MKRN1: variants seen among roughly 807,000 people sequenced by gnomAD.
MKRN1 encodes the protein E3 ubiquitin-protein ligase makorin-1.
Under a neutral mutation model 55.5 loss-of-function variants are expected in MKRN1, and 9 were observed. That is an observed-to-expected ratio of 0.16 (90% CI 0.10 to 0.28). MKRN1 has a LOEUF of 0.28. MKRN1 is among the 10% of genes least tolerant of loss of function. The pLI is 1.00. For synonymous variants in MKRN1, 253 were observed against 235.9 expected (o/e 1.07, Z -0.66); for missense variants, 488 against 626.7 (o/e 0.78, Z 2.36).
chr7:140,468,002 C>CAA (rs566154288), intron 2 of MKRN1, among the ~76,000 whole-genome samples: 1,301 of 88,736 alleles, frequency 0.015, 38 homozygotes, highest in African/African-American at 0.047. Context: ...AATTCTGTCT[C>CAA]AAAAAAAAAA....
chr7:140,467,141 G>C (rs1304505883), intron 2 of MKRN1, among the ~76,000 whole-genome samples: 26 of 151,868 alleles, frequency 1.7e-4, no homozygotes, highest in Non-Finnish European at 5.9e-5. Flanking sequence ...CCATGCTTGG[G>C]TAATTTTGTA....
At chr7:140,478,880 A>C (rs939675232) in intron 1 of MKRN1, 4 of 275,656 alleles carry the variant, frequency 1.5e-5, no homozygotes, top group Non-Finnish European at 1.3e-5. Context: ...GCGCTCAGGG[A>C]AGTGTAAGCG....
chr7:140,454,282 G>C lies in MKRN1; in HGVS notation c.*235C>G. On this transcript the variant is annotated 3_prime_UTR_variant, in exon 8 of 8. Coordinates refer to ENST00000255977, the MANE Select transcript of MKRN1 (RefSeq NM_013446.4). Reference sequence around the variant, plus strand: ...CACTAACTGTCTGACAGTTAAATTCGTGTTACAAAAAACTAACTTTAAGAT... The same window carrying C: ...CACTAACTGTCTGACAGTTAAATTCCTGTTACAAAAAACTAACTTTAAGAT... The C allele has an allele frequency of 1.8e-6, 1 of 543,176 alleles. No individual in the cohort carries two copies. The highest frequency in any genetic ancestry group is 3.3e-6 in the Non-Finnish European group (1 of 301,692). The allele number at this position is 543,176 out of a possible 1,614,324, so 33.6% of individuals were successfully genotyped here. A position where few individuals can be genotyped will look rare whatever the true frequency, so the allele number is the denominator to read the frequency against.
rs1794480025 is a variant in MKRN1 at position 140,456,834 on chromosome 7, C to A, written c.804G>T (p.Glu268Asp). The change falls in exon 5 of 8, where the codon GAG becomes GAT. Residue 268 changes from glutamate (E) to aspartate (D), a missense_variant. Physicochemically the swap from Glu to Asp is conservative, Grantham distance 45. This residue lies in a region of MKRN1 where 278 missense variants were observed against 406.7 expected (regional missense o/e 0.68). Coordinates refer to ENST00000255977, the MANE Select transcript of MKRN1 (RefSeq NM_013446.4). ...SCIEAHEKDM[E>D]LSFAVQRSKD... ...TGCTGCGCTGCACGGCAAATGAGAG[C>A]TCCATGTCCTTCTCATGGGCCTCAA... The A allele has an allele frequency of 6.2e-7, 1 of 1,613,890 alleles. No individual in the cohort carries two copies.
At chr7:140,475,760 A>G (rs956701141) in intron 1 of MKRN1, among the ~76,000 whole-genome samples, 1 of 152,230 alleles carries the variant, frequency 6.6e-6, no homozygotes. Flanking sequence ...TTCAACTACC[A>G]GAACACTTAT....
At chr7:140,478,135 T>A (rs1361436204) in intron 1 of MKRN1, 4 of 152,254 alleles carry the variant, frequency 2.6e-5, no homozygotes, top group African/African-American at 9.6e-5. Context: ...TTTTACATAC[T>A]TGCATATAAA....
In MKRN1 at chr7:140,479,373, C is replaced by T. The variant is rs1281484600; in HGVS notation, c.-29G>A. On this transcript the variant is annotated 5_prime_UTR_variant, in exon 1 of 8. Transcript: ENST00000255977. ...TGTTTATCCCACACAGCAAAGGCCC[C>T]GGAACTTCCGGGATCACATAGTTCC... The T allele has an allele frequency of 2.4e-6, 3 of 1,275,626 alleles. No individual in the cohort carries two copies. The highest frequency in any genetic ancestry group is 3.1e-5 in the African/African-American group (2 of 64,500). 79.0% of individuals were successfully genotyped at this position (1,275,626 alleles called of 1,614,324 possible).
chr7:140,476,471 CAAAAAAA>C (rs59392050), intron 1 of MKRN1, among the ~76,000 whole-genome samples: 777 of 72,576 alleles, frequency 0.011, 13 homozygotes, highest in African/African-American at 0.045. Flanking sequence ...CACTCCATCT[CAAAAAAA>C]AAAAAAAAAA....
intron 1 of MKRN1, 77 bp downstream of exon 1, chr7:140,479,083 C>A: frequency 8.0e-7 from 1 of 1,246,102 alleles, no homozygotes; most frequent in African/African-American, 1.6e-5. Flanking sequence ...AGGCCGGCCG[C>A]CCTCCTCCCT....
intron 6 of MKRN1, 49 bp from the exon 7 acceptor site, chr7:140,455,282 G>A (rs373048859): frequency 1.4e-4 from 222 of 1,607,826 alleles, no homozygotes; most frequent in Non-Finnish European, 1.8e-4. Flanking sequence ...TTTCAGGTCT[G>A]TATTTGACTA....
chr7:140,474,877 C>T (rs527548907), intron 1 of MKRN1, among the ~76,000 whole-genome samples: 1 of 152,008 alleles, frequency 6.6e-6, no homozygotes, highest in East Asian at 2.0e-4. Context: ...CGCCACCACG[C>T]CCAGCTAATT....
chr7:140,466,882 C>T (rs890517673), intron 2 of MKRN1, among the ~76,000 whole-genome samples: 1 of 150,450 alleles, frequency 6.6e-6, no homozygotes, highest in South Asian at 2.1e-4. Context: ...GTCGTGTTCA[C>T]ACCACTGCAC....
chr7:140,478,199 A>G (rs1213292739), intron 1 of MKRN1: 1 of 152,248 alleles, frequency 6.6e-6, no homozygotes, highest in Non-Finnish European at 1.5e-5. Context: ...AACTGATAGA[A>G]AAAGAAAAGC....
At chr7:140,466,488 G>C (rs1388549369) in intron 2 of MKRN1, among the ~76,000 whole-genome samples, 4 of 152,134 alleles carry the variant, frequency 2.6e-5, no homozygotes, top group African/African-American at 7.2e-5. Flanking sequence ...GAGATAGGGA[G>C]ACCCCGTCTC....
chr7:140,478,772 GAGCCCC>G (rs1795198503), intron 1 of MKRN1: 1 of 157,764 alleles, frequency 6.3e-6, no homozygotes, highest in Non-Finnish European at 1.4e-5. Flanking sequence ...ACCACCTCCC[GAGCCCC>G]GGGAGCCGGA....
intron 2 of MKRN1, among the ~76,000 whole-genome samples, chr7:140,469,119 G>A (rs1257414642): frequency 6.6e-6 from 1 of 152,030 alleles, no homozygotes; most frequent in East Asian, 1.9e-4. Flanking sequence ...GAGGTCAGGA[G>A]ATCAAGACCA....
chr7:140,474,003 AAAAAAGAAAGAAAGAAAGAAAGAAAG>A (rs1563096766), intron 1 of MKRN1, among the ~76,000 whole-genome samples: 6 of 129,424 alleles, frequency 4.6e-5, no homozygotes, highest in Non-Finnish European at 8.0e-5. Context: ...AAAAAAAAAA[AAAAAAGAAAGAAAGAAAGAAAGAAAG>A]AAAGAAAGAA....
intron 2 of MKRN1, among the ~76,000 whole-genome samples, chr7:140,465,909 G>A (rs1794751576): frequency 6.6e-6 from 1 of 152,006 alleles, no homozygotes. Context: ...GTGAAACCCT[G>A]TCTTTACTAA....
intron 1 of MKRN1, chr7:140,478,815 G>T (rs141677563): frequency 9.6e-4 from 170 of 177,294 alleles, no homozygotes; most frequent in African/African-American, 3.8e-3. Context: ...TCCTTCCAGC[G>T]GCAGGGGAGG....
Sources: gnomAD v4.1 joint callset for allele counts (sites outside exome capture counted in the v4.1 genomes callset) on GRCh38, gnomAD v4.1.1 for gene constraint, gnomAD v4.1.1 regional missense constraint, MANE v1.5 for transcripts, NCBI Gene and HGNC (gene_info 2026-07-23, HGNC 2026-07-21) for gene names.